Variants in SLC24A4 observed in about 807,000 individuals in gnomAD.
The protein encoded by SLC24A4 is sodium/potassium/calcium exchanger 4.
SLC24A4 carries 53 observed loss-of-function variants against 79.0 expected under a neutral mutation model. The observed-to-expected ratio is 0.67, with a 90% CI of 0.54 to 0.84. SLC24A4 has a LOEUF of 0.84. SLC24A4 is among the 40% of genes least tolerant of loss of function. The pLI is 0.00. For synonymous variants in SLC24A4, 323 were observed against 323.8 expected (o/e 1.00, Z 0.03); for missense variants, 731 against 822.0 (o/e 0.89, Z 1.35).
At chr14:92,440,772 G>A (rs1277287751) in intron 4 of SLC24A4, among the ~76,000 whole-genome samples, 1 of 151,834 alleles carries the variant, frequency 6.6e-6, no homozygotes, top group Non-Finnish European at 1.5e-5. Context: ...ATCTCTCTTG[G>A]GGGAGAAATC....
rs779407910 is a variant in SLC24A4 at position 92,494,483 on chromosome 14, C to T, written c.*855C>T. 7.2e-5 allele frequency: 11 copies of T among 152,160 alleles called. No individual in the cohort carries two copies. Among genetic ancestry groups the T allele is most frequent in the Non-Finnish European group, 1.2e-4 (8 of 68,036 alleles). The allele number at this position is 152,160 out of a possible 1,614,324, so 9.4% of individuals were successfully genotyped here. ...AATAGGGAAAAAGGTAAGAGACTAACGTGGAAAGGTGCTAACTCAGAGACT... is the reference window on the plus strand; with the variant it reads ...AATAGGGAAAAAGGTAAGAGACTAATGTGGAAAGGTGCTAACTCAGAGACT... On this transcript the variant is annotated 3_prime_UTR_variant, in exon 17 of 17. Coordinates refer to ENST00000532405, the MANE Select transcript of SLC24A4 (RefSeq NM_153646.4). The surrounding 1 kb of genome is among the most constrained non-coding windows in gnomAD (Gnocchi z 4.6).
intron 13 of SLC24A4, chr14:92,484,939 G>A (rs1170481169): frequency 3.7e-5 from 35 of 951,692 alleles, no homozygotes; most frequent in South Asian, 4.9e-5. Context: ...TTCTTGTGTC[G>A]AGTTAGTGTT....
At chr14:92,373,712 A>T (rs539577702) in intron 2 of SLC24A4, among the ~76,000 whole-genome samples, 1 of 152,360 alleles carries the variant, frequency 6.6e-6, no homozygotes, top group East Asian at 1.9e-4. Flanking sequence ...GACTTTTCTA[A>T]TGAGAAAGAA....
At position 92,473,676 on chromosome 14, in the gene SLC24A4, C is replaced by T. The variant is rs559045909; in HGVS notation, c.1256-9004C>T. 6.6e-5 allele frequency among the ~76,000 whole-genome samples: 10 copies of T among 152,274 alleles called. No individual in the cohort carries two copies. The South Asian group carries it at 1.0e-3, about 16-fold the overall frequency. ...GACAGCTGGAACCAGGAAACATGAT[C>T]GGGCAGCCCCTATCTCCCCATGCTC... On this transcript the variant is annotated intron_variant, in intron 12 of 16. Coordinates refer to ENST00000532405, the MANE Select transcript of SLC24A4 (RefSeq NM_153646.4).
intron 2 of SLC24A4, among the ~76,000 whole-genome samples, chr14:92,396,444 C>T (rs1566738003): frequency 6.6e-6 from 1 of 152,054 alleles, no homozygotes; most frequent in Non-Finnish European, 1.5e-5. Flanking sequence ...TGCTGTTGTT[C>T]CTCCTTTGTG....
intron 2 of SLC24A4, among the ~76,000 whole-genome samples, chr14:92,363,348 G>A (rs1044883739): frequency 3.3e-5 from 5 of 152,344 alleles, no homozygotes; most frequent in East Asian, 1.9e-4. Flanking sequence ...CCCCCATGCC[G>A]TCCCAGGCCA....
rs761168581 is a variant in SLC24A4, at chr14:92,493,574, A to G, written c.1815A>G (p.Ile605Met). Residue 605 changes from isoleucine to methionine, a missense_variant, in exon 17 of 17, where the codon ATA becomes ATG. Coordinates refer to ENST00000532405, the MANE Select transcript of SLC24A4 (RefSeq NM_153646.4). ...TCTTCTTGTGCTTCTCCATAATGAT[A>G]GAGTTTAACGTCTTTACCTTCGTCA... The part of the protein sequence containing the change: ...YAIFLCFSIM[I>M]EFNVFTFVNL... The G allele has an allele frequency of 6.2e-7, 1 of 1,614,122 alleles. No homozygotes were observed. Among genetic ancestry groups the G allele is most frequent in the South Asian group, 1.1e-5 (1 of 91,076 alleles).
chr14:92,391,841 C>G (rs1357801974), intron 2 of SLC24A4, among the ~76,000 whole-genome samples: 1 of 152,242 alleles, frequency 6.6e-6, no homozygotes, highest in East Asian at 1.9e-4. Flanking sequence ...AGCTGGGTTC[C>G]CAGCCCACCG....
chr14:92,488,389 A>G (rs984098818), intron 14 of SLC24A4, among the ~76,000 whole-genome samples: 1 of 152,100 alleles, frequency 6.6e-6, no homozygotes, highest in South Asian at 2.1e-4. Flanking sequence ...TCCTTCCTAT[A>G]AGGAGACCAG....
chr14:92,486,835 G>T (rs1378353103), intron 14 of SLC24A4, 55 bp downstream of exon 14: 9 of 1,298,726 alleles, frequency 6.9e-6, no homozygotes, highest in Non-Finnish European at 9.8e-6. Flanking sequence ...CTGTGTCCTC[G>T]TCCCTGCCTG....
At chr14:92,349,920 T>C (rs1886774956) in intron 2 of SLC24A4, among the ~76,000 whole-genome samples, 1 of 152,214 alleles carries the variant, frequency 6.6e-6, no homozygotes, top group South Asian at 2.1e-4. Flanking sequence ...AGGCCATTCC[T>C]ATGGGTTTGG....
chr14:92,447,059 G>A (rs1021382873), intron 8 of SLC24A4, among the ~76,000 whole-genome samples: 4 of 152,200 alleles, frequency 2.6e-5, no homozygotes, highest in Non-Finnish European at 4.4e-5. Context: ...ACTAGCCTCC[G>A]TGAATACTGG....
chr14:92,479,115 C>T lies in SLC24A4; in HGVS notation c.1256-3565C>T, dbSNP rs961238108. On this transcript the variant is annotated intron_variant, in intron 12 of 16. Coordinates refer to ENST00000532405, the MANE Select transcript of SLC24A4 (RefSeq NM_153646.4). The stretch of plus-strand genomic sequence containing the variant: ...TGGGTTCCTTAGAGTTTTCTATATA[C>T]AAGATCATGTCATCTACAAATAGGG... 3.9e-5 allele frequency among the ~76,000 whole-genome samples: 6 copies of T among 152,214 alleles called. No individual in the cohort carries two copies. The East Asian group carries it at 9.7e-4, about 24-fold the overall frequency.
chr14:92,456,444 AGCC>A lies in SLC24A4; in HGVS notation c.1094_1096del (p.Pro365del). Reference sequence around the variant, plus strand: ...AACTCGGCCAATGGTGTGAGCAGTAAGCCGCTTCAAAACGGGAGGCACGAGAAC... The same window carrying A: ...AACTCGGCCAATGGTGTGAGCAGTAAGCTTCAAAACGGGAGGCACGAGAAC... On this transcript the variant is annotated inframe_deletion, in exon 12 of 17. Coordinates refer to ENST00000532405, the MANE Select transcript of SLC24A4 (RefSeq NM_153646.4). The A allele has an allele frequency of 6.2e-7, 1 of 1,614,228 alleles. No homozygotes were observed. Among genetic ancestry groups the A allele is most frequent in the Non-Finnish European group, 8.5e-7 (1 of 1,180,032 alleles).
intron 2 of SLC24A4, among the ~76,000 whole-genome samples, chr14:92,401,979 CAT>C (rs1213306649): frequency 2.0e-5 from 3 of 152,170 alleles, no homozygotes; most frequent in Admixed American, 1.3e-4. Flanking sequence ...ACGAGACAAA[CAT>C]ATTCAAATGT....
chr14:92,370,714 T>C (rs1888105834), intron 2 of SLC24A4, among the ~76,000 whole-genome samples: 1 of 152,172 alleles, frequency 6.6e-6, no homozygotes, highest in African/African-American at 2.4e-5. Flanking sequence ...TCAAGAACAC[T>C]TCTTAGAACT....
chr14:92,372,983 CTCCCTCT>C (rs1235421718), intron 2 of SLC24A4, among the ~76,000 whole-genome samples: 7 of 133,576 alleles, frequency 5.2e-5, no homozygotes, highest in Non-Finnish European at 6.8e-5. Flanking sequence ...CCCCCTCCCT[CTCCCTCT>C]CTCTCTCTTC....
At chr14:92,327,935 G>A (rs531290534) in intron 2 of SLC24A4, among the ~76,000 whole-genome samples, 71 of 152,256 alleles carry the variant, frequency 4.7e-4, no homozygotes, top group Middle Eastern at 3.4e-3. Context: ...CCCATAGAAA[G>A]GACTGCATAG....
intron 12 of SLC24A4, among the ~76,000 whole-genome samples, chr14:92,458,997 G>A (rs1893643423): frequency 6.6e-6 from 1 of 152,192 alleles, no homozygotes; most frequent in African/African-American, 2.4e-5. Flanking sequence ...ACCCCTTGAA[G>A]TGGGTGGCAG....
Sources: allele counts gnomAD v4.1 joint callset (sites outside exome capture counted in the v4.1 genomes callset), GRCh38; gene constraint gnomAD v4.1.1; non-coding constraint Gnocchi (gnomAD v3.1); transcripts MANE v1.5; gene names NCBI Gene and HGNC (gene_info 2026-07-23, HGNC 2026-07-21).